CMSS1: variants seen among roughly 807,000 people sequenced by gnomAD.
CMSS1 encodes the protein protein CMSS1.
A neutral mutation model predicts 43.5 loss-of-function variants in CMSS1; 33 were observed. That is an observed-to-expected ratio of 0.76 (90% CI 0.57 to 1.01). CMSS1 has a LOEUF of 1.01. Among genes scored for constraint, CMSS1 ranks in the 50% least tolerant of loss-of-function variants. The pLI is 0.00. For missense variants in CMSS1, 313 were observed against 326.4 expected, an observed-to-expected ratio of 0.96 and a Z score of 0.32; for synonymous variants, 115 against 117.2, an observed-to-expected ratio of 0.98 and a Z score of 0.12.
At chr3:100,009,278 C>T (rs1710075008) in intron 1 of CMSS1, among the ~76,000 whole-genome samples, 1 of 152,104 alleles carries the variant, frequency 6.6e-6, no homozygotes, top group East Asian at 1.9e-4. Flanking sequence ...AATTTATTTT[C>T]CTGTTGTCCT....
At chr3:100,019,859 A>G (rs2064775982) in intron 1 of CMSS1, among the ~76,000 whole-genome samples, 1 of 152,174 alleles carries the variant, frequency 6.6e-6, no homozygotes, top group Non-Finnish European at 1.5e-5. Context: ...CTTGGCATGT[A>G]TGGAAGAGAA....
At chr3:99,853,618 C>T (rs530011032) in intron 1 of CMSS1, among the ~76,000 whole-genome samples, 4 of 152,118 alleles carry the variant, frequency 2.6e-5, no homozygotes, top group African/African-American at 4.8e-5. Flanking sequence ...GGGCATGTTG[C>T]GTATTTTTCA....
At chr3:100,014,899 T>A (rs201240452) in intron 1 of CMSS1, among the ~76,000 whole-genome samples, 1 of 95,832 alleles carries the variant, frequency 1.0e-5, no homozygotes, top group Non-Finnish European at 2.5e-5. Flanking sequence ...TTCTTTCTTT[T>A]TTTTTTTTTT....
intron 1 of CMSS1, among the ~76,000 whole-genome samples, chr3:99,966,145 TG>T (rs1418011290): frequency 6.6e-6 from 1 of 152,204 alleles, no homozygotes; most frequent in African/African-American, 2.4e-5. Flanking sequence ...GTAAATAAAA[TG>T]TTCACAACTT....
At chr3:100,173,975 A>G (rs1169268424) in intron 8 of CMSS1, among the ~76,000 whole-genome samples, 3 of 152,222 alleles carry the variant, frequency 2.0e-5, no homozygotes, top group Admixed American at 6.5e-5. Flanking sequence ...AAATGCCAAT[A>G]AAGAGCTCAG....
At chr3:100,118,742 G>C (rs2066596413) in intron 1 of CMSS1, among the ~76,000 whole-genome samples, 1 of 152,114 alleles carries the variant, frequency 6.6e-6, no homozygotes. Context: ...CTTTCCTGTG[G>C]CCTTTCTGTC....
chr3:99,896,874 A>G (rs945406757), intron 1 of CMSS1, among the ~76,000 whole-genome samples: 1 of 152,194 alleles, frequency 6.6e-6, no homozygotes, highest in Non-Finnish European at 1.5e-5. Context: ...TTCATAACAA[A>G]TCAGTGTATA....
At chr3:100,061,170 G>A (rs2065559170) in intron 1 of CMSS1, among the ~76,000 whole-genome samples, 1 of 152,036 alleles carries the variant, frequency 6.6e-6, no homozygotes, top group Non-Finnish European at 1.5e-5. Context: ...AAGGAAGGAA[G>A]GGTACAATTT....
intron 1 of CMSS1, 27 bp downstream of exon 1, chr3:99,818,070 C>G (rs368881700): frequency 1.2e-6 from 2 of 1,606,514 alleles, no homozygotes; most frequent in Admixed American, 1.7e-5. Context: ...CGCGCTCCTA[C>G]GGGGCCTCTC....
intron 1 of CMSS1, among the ~76,000 whole-genome samples, chr3:99,919,208 T>G (rs1303546548): frequency 6.6e-6 from 1 of 152,080 alleles, no homozygotes; most frequent in Non-Finnish European, 1.5e-5. Flanking sequence ...GTTTATTGAT[T>G]TCTCCTGAAT....
chr3:100,144,534 C>A (rs1480968525), intron 1 of CMSS1, among the ~76,000 whole-genome samples: 1 of 152,132 alleles, frequency 6.6e-6, no homozygotes, highest in Non-Finnish European at 1.5e-5. Context: ...TCCAACATCA[C>A]CCTGGTAGGA....
intron 1 of CMSS1, among the ~76,000 whole-genome samples, chr3:100,004,013 C>G (rs1709917221): frequency 6.6e-6 from 1 of 152,082 alleles, no homozygotes; most frequent in African/African-American, 2.4e-5. Context: ...CATGTCTGTT[C>G]CCACCTGCCT....
chr3:100,127,364 C>G (rs2066671941), intron 1 of CMSS1, among the ~76,000 whole-genome samples: 1 of 152,116 alleles, frequency 6.6e-6, no homozygotes, highest in Admixed American at 6.5e-5. Flanking sequence ...TGGGTCCAGC[C>G]AAGAACCAGA....
chr3:99,923,208 C>G (rs575956775), intron 1 of CMSS1, among the ~76,000 whole-genome samples: 1 of 152,250 alleles, frequency 6.6e-6, no homozygotes, highest in Admixed American at 6.5e-5. Flanking sequence ...CCAACACCCA[C>G]AGTTTCAGCT....
Position 100,117,878 on chromosome 3 carries a change from T to TATATATAC in CMSS1, c.65-29094_65-29093insTATATACA, listed in dbSNP as rs1357671856. On this transcript the variant is annotated intron_variant, in intron 1 of 9. Transcript: ENST00000421999. ...ACATATATATATATATATATATATA[T>TATATATAC]ACACATACAATGGAGTATTACTCAG... Among the ~76,000 whole-genome samples, 21 of 129,084 alleles carry TATATATAC rather than the reference T, an allele frequency of 1.6e-4. 1 individual carries two copies. Among genetic ancestry groups the TATATATAC allele is most frequent in the Middle Eastern group, 4.0e-3 (1 of 250 alleles). The allele number at this position is 129,084 out of a possible 152,430, so 84.7% of individuals were successfully genotyped here.
At chr3:99,991,927 CACAT>C (rs1216671812) in intron 1 of CMSS1, among the ~76,000 whole-genome samples, 2 of 146,010 alleles carry the variant, frequency 1.4e-5, no homozygotes, top group Non-Finnish European at 3.0e-5. Flanking sequence ...TATATATACA[CACAT>C]ATGTATGTGT....
intron 1 of CMSS1, among the ~76,000 whole-genome samples, chr3:100,070,868 C>G (rs372369155): frequency 1.3e-5 from 2 of 152,112 alleles, no homozygotes; most frequent in Admixed American, 1.3e-4. Flanking sequence ...TGACTTCAGG[C>G]GATCTGCCTG....
intron 1 of CMSS1, among the ~76,000 whole-genome samples, chr3:99,966,970 G>C (rs964734129): frequency 6.6e-6 from 1 of 152,168 alleles, no homozygotes; most frequent in Non-Finnish European, 1.5e-5. Context: ...TGCTATACAG[G>C]TGGGGGATTG....
At chr3:100,056,279 C>G (rs907110791) in intron 1 of CMSS1, among the ~76,000 whole-genome samples, 3 of 152,186 alleles carry the variant, frequency 2.0e-5, no homozygotes, top group African/African-American at 7.2e-5. Context: ...ACATTTCCAG[C>G]TGATAAATTG....
Sources: allele counts gnomAD v4.1 joint callset (sites outside exome capture counted in the v4.1 genomes callset), GRCh38; gene constraint gnomAD v4.1.1; transcripts MANE v1.5; gene names NCBI Gene and HGNC (gene_info 2026-07-23, HGNC 2026-07-21).